LARS1: variants seen among roughly 807,000 people sequenced by gnomAD.
LARS1 encodes the protein leucine--tRNA ligase, cytoplasmic.
Under a neutral mutation model 162.8 loss-of-function variants are expected in LARS1, and 100 were observed. The ratio of observed to expected loss-of-function variants is 0.61; its 90% CI spans 0.52 to 0.73. LARS1 has a LOEUF of 0.73. Among genes scored for constraint, LARS1 ranks in the 30% least tolerant of loss-of-function variants. The pLI is 0.00. For synonymous variants in LARS1, 457 were observed against 462.8 expected (o/e 0.99, Z 0.16); for missense variants, 1,258 against 1,408.9 (o/e 0.89, Z 1.71).
intron 31 of LARS1, among the ~76,000 whole-genome samples, chr5:146,115,046 GAAAAAAAAAAAA>G (rs35008800): frequency 2.0e-5 from 2 of 97,634 alleles, no homozygotes; most frequent in African/African-American, 3.7e-5. Context: ...CTGTCGGGGG[GAAAAAAAAAAAA>G]AAAAAAAAAC....
intron 21 of LARS1, among the ~76,000 whole-genome samples, 199 bp downstream of exon 21, chr5:146,140,005 C>T (rs1041188741): frequency 6.6e-5 from 10 of 151,704 alleles, no homozygotes; most frequent in African/African-American, 2.4e-4. Context: ...TGGGGTCTCA[C>T]TATATCGTCC....
rs1042353359 is a variant in LARS1 at position 146,123,930 on chromosome 5, G to C, written c.3096+52C>G. On this transcript the variant is annotated intron_variant, in intron 29 of 31. Transcript: ENST00000394434. Reference sequence around the variant, plus strand: ...GGTTTATTATAAAATAAAAGAGCTGGATTATGGTTTAACTACAGTTAACTG... The same window carrying C: ...GGTTTATTATAAAATAAAAGAGCTGCATTATGGTTTAACTACAGTTAACTG... 27 of 896,108 alleles carry C rather than the reference G, an allele frequency of 3.0e-5. No homozygotes were observed. The African/African-American group carries it at 4.0e-4, about 13-fold the overall frequency. The allele number at this position is 896,108 out of a possible 1,614,324, so 55.5% of individuals were successfully genotyped here.
At chr5:146,174,327 C>T (rs1035612679) in intron 2 of LARS1, among the ~76,000 whole-genome samples, 1 of 149,220 alleles carries the variant, frequency 6.7e-6, no homozygotes, top group African/African-American at 2.4e-5. Context: ...TGCCTGTAAT[C>T]CCAGCTACAG....
intron 27 of LARS1, among the ~76,000 whole-genome samples, chr5:146,127,155 C>A (rs569100974): frequency 2.6e-5 from 4 of 152,060 alleles, no homozygotes; most frequent in Admixed American, 2.6e-4. Flanking sequence ...AAGTTTTGGG[C>A]AACTTGTTTT....
intron 31 of LARS1, among the ~76,000 whole-genome samples, chr5:146,119,297 C>G (rs1008552449): frequency 1.3e-5 from 2 of 152,126 alleles, no homozygotes; most frequent in Non-Finnish European, 2.9e-5. Flanking sequence ...ACAAACACTA[C>G]ATATATTAGT....
At chr5:146,142,724 C>T (rs1003744450) in intron 20 of LARS1, 148 bp downstream of exon 20, 3 of 620,958 alleles carry the variant, frequency 4.8e-6, no homozygotes, top group Admixed American at 3.3e-5. Flanking sequence ...GGTGGCCTTT[C>T]TGCTTTAGTA....
At chr5:146,174,275 G>A (rs1021377679) in intron 2 of LARS1, among the ~76,000 whole-genome samples, 3 of 148,444 alleles carry the variant, frequency 2.0e-5, no homozygotes, top group South Asian at 2.1e-4. Flanking sequence ...GAGAAAACCC[G>A]TCTCTAGTAA....
chr5:146,123,427 T>G (rs1459089258), intron 29 of LARS1, among the ~76,000 whole-genome samples: 1 of 151,932 alleles, frequency 6.6e-6, no homozygotes, highest in Non-Finnish European at 1.5e-5. Flanking sequence ...AGTTCCTGGA[T>G]TGGGTAGAAA....
chr5:146,133,009 G>A lies in LARS1; in HGVS notation c.2285C>T (p.Ala762Val). ...CCAGGTGTACAGACGGAGAATACCT[G>A]CATCTGCCATGGCTTCCACAAAGTT... ...DANFVEAMADAGILRLYTWVE... is the reference protein window; with the variant it reads ...DANFVEAMADVGILRLYTWVE... Residue 762 changes from alanine (A) to valine (V), a missense_variant, in exon 23 of 32, where the codon GCA becomes GTA. Ala to Val is a moderately conservative substitution (Grantham distance 64, BLOSUM62 0). Coordinates refer to ENST00000394434, the MANE Select transcript of LARS1 (RefSeq NM_020117.11). The A allele has an allele frequency of 2.5e-6, 4 of 1,614,000 alleles. No homozygotes were observed. The highest frequency in any genetic ancestry group is 3.4e-6 in the Non-Finnish European group (4 of 1,179,948).
chr5:146,144,079 G>C (rs572513824), intron 18 of LARS1, among the ~76,000 whole-genome samples, 188 bp downstream of exon 18: 12 of 152,292 alleles, frequency 7.9e-5, no homozygotes, highest in African/African-American at 2.9e-4. Flanking sequence ...TCTATATAGA[G>C]AGGGCATATT....
At position 146,124,088 on chromosome 5, in the gene LARS1, T is replaced by A; in HGVS notation, c.2992-2A>T. The A allele has an allele frequency of 6.3e-7, 1 of 1,590,244 alleles. No individual in the cohort carries two copies. The highest frequency in any genetic ancestry group is 1.7e-4 in the Middle Eastern group (1 of 5,998). On this transcript the variant is annotated splice_acceptor_variant, in intron 28 of 31. Transcript: ENST00000394434. LOFTEE classifies it high-confidence loss of function. ...AGGCCCCATCTTCTCCAGATTTTCC[T>A]AATAGCCAAAATGGTATGGAAAAAC...
intron 13 of LARS1, 112 bp from the exon 14 acceptor site, chr5:146,152,114 T>C: frequency 2.7e-6 from 3 of 1,097,598 alleles, no homozygotes; most frequent in Non-Finnish European, 4.0e-6. Flanking sequence ...ATTGTATATG[T>C]CATTACGACA....
At chr5:146,153,103 A>C in intron 13 of LARS1, 71 bp downstream of exon 13, 1 of 1,231,176 alleles carries the variant, frequency 8.1e-7, no homozygotes, top group Non-Finnish European at 1.2e-6. Context: ...GTTATAAGGA[A>C]AACATGTTAG....
intron 4 of LARS1, among the ~76,000 whole-genome samples, chr5:146,171,156 A>G (rs886553857): frequency 6.6e-6 from 1 of 152,126 alleles, no homozygotes; most frequent in Non-Finnish European, 1.5e-5. Flanking sequence ...CAGGAGTTCC[A>G]GAACAGCCTA....
Position 146,143,525 on chromosome 5 carries a change from C to G in LARS1, c.1764G>C (p.Gln588His). Residue 588 changes from glutamine (Q) to histidine (H), a missense_variant, in exon 19 of 32, where the codon CAG becomes CAC. Transcript: ENST00000394434. ...GLGTHLPWDE[Q>H]WLIESLSDST... ...AGTCAGAAAGTGATTCAATCAGCCA[C>G]TGCTCATCCCAAGGCAGGTGAGTGC... 1 of 1,613,934 alleles carries G rather than the reference C, an allele frequency of 6.2e-7. No individual in the cohort carries two copies. The highest frequency in any genetic ancestry group is 8.5e-7 in the Non-Finnish European group (1 of 1,179,904).
intron 31 of LARS1, among the ~76,000 whole-genome samples, chr5:146,119,001 C>CGAAA: frequency 6.6e-6 from 1 of 152,192 alleles, no homozygotes; most frequent in Non-Finnish European, 1.5e-5. Flanking sequence ...GATACCCTTT[C>CGAAA]CCCTTACCTT....
At chr5:146,143,225 A>G in intron 19 of LARS1, 141 bp from the exon 20 acceptor site, 1 of 826,008 alleles carries the variant, frequency 1.2e-6, no homozygotes, top group South Asian at 2.6e-5. Flanking sequence ...CAGCTTCCAT[A>G]AGAATGAAGA....
chr5:146,120,998 A>G (rs1279913530), intron 30 of LARS1, among the ~76,000 whole-genome samples: 1 of 152,166 alleles, frequency 6.6e-6, no homozygotes, highest in Admixed American at 6.6e-5. Flanking sequence ...CCTGTTTATT[A>G]TTTTTAAGTG....
At position 146,182,595 on chromosome 5, in the gene LARS1, C is replaced by T. The variant is rs1754923062; in HGVS notation, c.-102G>A. The stretch of plus-strand genomic sequence containing the variant: ...TCCCTCTCGGGGATGCCAGGCCTCC[C>T]ACGAAACTAAAGCACACGCTTCACA... On this transcript the variant is annotated 5_prime_UTR_variant, in exon 1 of 32. Coordinates refer to ENST00000394434, the MANE Select transcript of LARS1 (RefSeq NM_020117.11). 6.7e-7 allele frequency: 1 copy of T among 1,500,096 alleles called. No homozygotes were observed. 92.9% of individuals were successfully genotyped at this position (1,500,096 alleles called of 1,614,324 possible).
Sources: gnomAD v4.1 joint callset for allele counts (sites outside exome capture counted in the v4.1 genomes callset) on GRCh38, gnomAD v4.1.1 for gene constraint, MANE v1.5 for transcripts, NCBI Gene and HGNC (gene_info 2026-07-23, HGNC 2026-07-21) for gene names.